Variants in TTC39B observed in about 807,000 individuals in gnomAD.
TTC39B encodes the protein tetratricopeptide repeat domain 39B.
In TTC39B, 92 loss-of-function variants were observed where a neutral mutation model predicts 96.6. The observed-to-expected ratio is 0.95, with a 90% CI of 0.80 to 1.13. TTC39B has a LOEUF of 1.13. Among genes scored for constraint, TTC39B ranks in the 50% most tolerant of loss-of-function variants. The pLI is 0.00. For synonymous variants in TTC39B, 367 were observed against 299.4 expected (o/e 1.23, Z -2.33); for missense variants, 955 against 809.3 (o/e 1.18, Z -2.18).
chr9:15,203,753 C>T lies in TTC39B; in HGVS notation c.759+70G>A. ...AGAACTGAAGCTTTGACATAGAATG[C>T]ACCACATTTTTCTATGCAGCACTGG... On this transcript the variant is annotated intron_variant, in intron 7 of 19. Coordinates refer to ENST00000512701, the Ensembl canonical transcript of TTC39B. 5 of 1,240,610 alleles carry T rather than the reference C, an allele frequency of 4.0e-6. No individual in the cohort carries two copies. In the South Asian group the frequency reaches 5.6e-5, roughly 14 times the overall value. 76.9% of individuals were successfully genotyped at this position (1,240,610 alleles called of 1,614,324 possible). A position where few individuals can be genotyped will look rare whatever the true frequency, so the allele number is the denominator to read the frequency against.
rs370965429 is a variant in TTC39B, at chr9:15,266,718, G to A, written c.275+1196C>T. Reference sequence around the variant, plus strand: ...GATGGAATTTAAATATGGAGCCTTTGGGAGACAATCGGATTTAAATGAGGT... The same window carrying A: ...GATGGAATTTAAATATGGAGCCTTTAGGAGACAATCGGATTTAAATGAGGT... On this transcript the variant is annotated intron_variant, in intron 2 of 19. Coordinates refer to ENST00000512701, the Ensembl canonical transcript of TTC39B. Among the ~76,000 whole-genome samples, 9 of 152,104 alleles carry A rather than the reference G, an allele frequency of 5.9e-5. No homozygotes were observed. The East Asian group carries it at 9.6e-4, about 16-fold the overall frequency.
intron 2 of TTC39B, among the ~76,000 whole-genome samples, chr9:15,234,354 G>A (rs1320543179): frequency 3.4e-5 from 5 of 145,972 alleles, no homozygotes; most frequent in Non-Finnish European, 7.6e-5. Flanking sequence ...CTGGCAGGGA[G>A]GTGGGGGGGT....
At chr9:15,278,430 T>C (rs1823629275) in intron 1 of TTC39B, among the ~76,000 whole-genome samples, 1 of 152,262 alleles carries the variant, frequency 6.6e-6, no homozygotes, top group African/African-American at 2.4e-5. Flanking sequence ...TTTACTCTCC[T>C]GTGCATATTT....
chr9:15,209,705 A>T (rs1178986480), intron 6 of TTC39B, among the ~76,000 whole-genome samples: 1 of 152,192 alleles, frequency 6.6e-6, no homozygotes, highest in Non-Finnish European at 1.5e-5. Flanking sequence ...CCATAGAGAA[A>T]AGCCAAGTAA....
intron 1 of TTC39B, among the ~76,000 whole-genome samples, chr9:15,272,070 G>A (rs76125155): frequency 0.034 from 5,120 of 152,252 alleles, 280 homozygotes; most frequent in African/African-American, 0.12. Flanking sequence ...AGAAAGACCA[G>A]TGCTTCCTTT....
intron 1 of TTC39B, among the ~76,000 whole-genome samples, chr9:15,280,341 T>C (rs1823711985): frequency 6.6e-6 from 1 of 152,202 alleles, no homozygotes; most frequent in Non-Finnish European, 1.5e-5. Context: ...ACGCTGTCCC[T>C]TTACAGAAAA....
chr9:15,307,193 T>C, exon 1 of TTC39B: 1 of 1,574,884 alleles, frequency 6.3e-7, no homozygotes, highest in Non-Finnish European at 8.6e-7. Context: ...TGCTCTCGGC[T>C]CTGGGCTCAG....
chr9:15,216,847 G>A (rs1314004682), intron 3 of TTC39B, among the ~76,000 whole-genome samples: 1 of 152,210 alleles, frequency 6.6e-6, no homozygotes, highest in Non-Finnish European at 1.5e-5. Flanking sequence ...TTCTACTGGA[G>A]AAGGGAAGAC....
chr9:15,221,153 C>T (rs564914404), intron 3 of TTC39B, among the ~76,000 whole-genome samples: 6 of 152,262 alleles, frequency 3.9e-5, no homozygotes, highest in African/African-American at 9.6e-5. Flanking sequence ...CGTTTCACAA[C>T]ACACATTGCC....
intron 3 of TTC39B, among the ~76,000 whole-genome samples, chr9:15,217,962 C>A (rs1712170534): frequency 6.6e-6 from 1 of 152,090 alleles, no homozygotes; most frequent in Non-Finnish European, 1.5e-5. Context: ...GTAATCCCAG[C>A]ACTTTGGGAG....
At chr9:15,267,421 C>T (rs1823175781) in intron 2 of TTC39B, among the ~76,000 whole-genome samples, 1 of 152,214 alleles carries the variant, frequency 6.6e-6, no homozygotes, top group South Asian at 2.1e-4. Flanking sequence ...CAAAGCTATA[C>T]ACATGTAAAA....
chr9:15,244,400 A>G (rs528515618), intron 2 of TTC39B, among the ~76,000 whole-genome samples: 1 of 152,308 alleles, frequency 6.6e-6, no homozygotes, highest in East Asian at 1.9e-4. Flanking sequence ...GCTTTGCGCC[A>G]CTTCCTCACC....
At chr9:15,213,100 G>C (rs1240016361) in intron 4 of TTC39B, among the ~76,000 whole-genome samples, 4 of 152,028 alleles carry the variant, frequency 2.6e-5, no homozygotes, top group African/African-American at 7.2e-5. Context: ...TACAACTATG[G>C]CTCATCAATA....
chr9:15,229,480 G>C (rs1204365659), intron 2 of TTC39B, among the ~76,000 whole-genome samples: 1 of 152,174 alleles, frequency 6.6e-6, no homozygotes, highest in Non-Finnish European at 1.5e-5. Context: ...AATAATTTCT[G>C]TGTGGTAAGA....
intron 2 of TTC39B, among the ~76,000 whole-genome samples, chr9:15,234,724 C>G (rs1821686090): frequency 6.6e-6 from 1 of 151,648 alleles, no homozygotes; most frequent in Non-Finnish European, 1.5e-5. Flanking sequence ...TGATCTGTGA[C>G]CTTACCCCCA....
chr9:15,208,611 C>T (rs1820012210), intron 6 of TTC39B, among the ~76,000 whole-genome samples: 1 of 152,174 alleles, frequency 6.6e-6, no homozygotes, highest in South Asian at 2.1e-4. Flanking sequence ...TATGCAGACA[C>T]ATTCTATCCG....
At chr9:15,291,522 G>C (rs1824189665) in intron 1 of TTC39B, among the ~76,000 whole-genome samples, 1 of 152,118 alleles carries the variant, frequency 6.6e-6, no homozygotes, top group Non-Finnish European at 1.5e-5. Flanking sequence ...TTTATCAGCA[G>C]CATGAGAACG....
At chr9:15,199,239 G>A (rs1232461213) in intron 8 of TTC39B, among the ~76,000 whole-genome samples, 1 of 152,168 alleles carries the variant, frequency 6.6e-6, no homozygotes, top group Non-Finnish European at 1.5e-5. Context: ...TCTGGAGTCT[G>A]AACCAAAGAT....
intron 10 of TTC39B, among the ~76,000 whole-genome samples, chr9:15,190,918 G>A (rs991656419): frequency 6.6e-6 from 1 of 151,936 alleles, no homozygotes. Flanking sequence ...AACCACGTGA[G>A]AGTAATAAGA....
Sources: allele counts gnomAD v4.1 joint callset (sites outside exome capture counted in the v4.1 genomes callset), GRCh38; gene constraint gnomAD v4.1.1; transcripts MANE v1.5; gene names NCBI Gene and HGNC (gene_info 2026-07-23, HGNC 2026-07-21).